The following DIP2B variants were observed in gnomAD, a reference collection of about 807,000 sequenced individuals.
DIP2B encodes DIP2 acetate--CoA ligase B (putative).
DIP2B carries 76 observed loss-of-function variants against 198.0 expected under a neutral mutation model. The ratio of observed to expected loss-of-function variants is 0.38; its 90% CI spans 0.32 to 0.46. DIP2B has a LOEUF of 0.46. Ranked by LOEUF, DIP2B falls within the 20% of genes least tolerant of loss-of-function variation. The probability of loss-of-function intolerance (pLI) is 0.99; values close to 1 mark genes in which losing one functional copy is unlikely to be tolerated. For missense variants in DIP2B, 1,559 were observed against 1,978.4 expected, an observed-to-expected ratio of 0.79 and a Z score of 4.02; for synonymous variants, 701 against 739.1, an observed-to-expected ratio of 0.95 and a Z score of 0.84.
At chr12:50,731,330 ATGAAT>A (rs2139597861) in intron 30 of DIP2B, 34 bp from the exon 31 acceptor site, 1 of 1,599,880 alleles carries the variant, frequency 6.3e-7, no homozygotes, top group East Asian at 2.2e-5. Flanking sequence ...GGTATCCAGG[ATGAAT>A]TGATGATTCC....
intron 1 of DIP2B, among the ~76,000 whole-genome samples, chr12:50,530,143 C>A (rs1046351111): frequency 5.3e-5 from 8 of 152,176 alleles, no homozygotes; most frequent in African/African-American, 1.4e-4. Flanking sequence ...GTGGCGCGAT[C>A]TCGGCTCACT....
chr12:50,609,626 C>T (rs1182883511), intron 1 of DIP2B, among the ~76,000 whole-genome samples: 1 of 152,228 alleles, frequency 6.6e-6, no homozygotes, highest in Admixed American at 6.5e-5. Flanking sequence ...TGCACACATT[C>T]TTTCTGTTGA....
At chr12:50,622,134 C>A (rs566144462) in intron 1 of DIP2B, among the ~76,000 whole-genome samples, 1 of 152,194 alleles carries the variant, frequency 6.6e-6, no homozygotes, top group East Asian at 1.9e-4. Context: ...GGTAGGAGAT[C>A]TTGTGAGTGG....
chr12:50,578,554 C>T (rs894149327), intron 1 of DIP2B, among the ~76,000 whole-genome samples: 4 of 130,430 alleles, frequency 3.1e-5, no homozygotes, highest in East Asian at 2.3e-4. Context: ...GTGGCCCAGG[C>T]GGGAGTGCAG....
chr12:50,605,062 C>A (rs1016485348), intron 1 of DIP2B, among the ~76,000 whole-genome samples: 1 of 152,116 alleles, frequency 6.6e-6, no homozygotes, highest in Non-Finnish European at 1.5e-5. Flanking sequence ...TATACACATA[C>A]CCATTAATGT....
intron 1 of DIP2B, among the ~76,000 whole-genome samples, chr12:50,593,111 AC>A (rs1422285670): frequency 1.3e-5 from 2 of 152,184 alleles, no homozygotes; most frequent in Non-Finnish European, 2.9e-5. Flanking sequence ...TGTTTTATAT[AC>A]TTGGCTGGAA....
chr12:50,568,391 G>C (rs1958584294), intron 1 of DIP2B, among the ~76,000 whole-genome samples: 1 of 152,160 alleles, frequency 6.6e-6, no homozygotes, highest in African/African-American at 2.4e-5. Context: ...CCTCAAGATA[G>C]GGCCAGCGGA....
intron 37 of DIP2B, among the ~76,000 whole-genome samples, chr12:50,744,087 C>T (rs764380458): frequency 1.4e-4 from 21 of 152,134 alleles, no homozygotes; most frequent in African/African-American, 2.4e-4. Flanking sequence ...CTGCAACCTC[C>T]GCCTCCTGGG....
intron 1 of DIP2B, among the ~76,000 whole-genome samples, chr12:50,556,600 C>G (rs1958473658): frequency 6.7e-6 from 1 of 149,996 alleles, no homozygotes; most frequent in African/African-American, 2.5e-5. Context: ...GTCGCCCAGG[C>G]TGGAGTGCAG....
intron 1 of DIP2B, among the ~76,000 whole-genome samples, chr12:50,558,900 A>G (rs563521364): frequency 1.3e-5 from 2 of 152,290 alleles, no homozygotes; most frequent in East Asian, 3.9e-4. Flanking sequence ...AAGTTTAAGA[A>G]AAGACTCCAG....
chr12:50,713,992 C>T (rs2139576486), intron 22 of DIP2B, among the ~76,000 whole-genome samples: 1 of 152,330 alleles, frequency 6.6e-6, no homozygotes, highest in South Asian at 2.1e-4. Flanking sequence ...GTCCCAGCTT[C>T]TTGGGAGGTT....
rs1939372377 is a variant in DIP2B at position 50,699,186 on chromosome 12, C to CA, written c.2315dup (p.Asn772LysfsTer4). The CA allele has an allele frequency of 1.2e-6, 2 of 1,612,544 alleles. No individual in the cohort carries two copies. The highest frequency in any genetic ancestry group is 1.7e-5 in the Admixed American group (1 of 59,566). ...ATGTACTTTGGGCTTGCTGGTGTGA[C>CA]AAAAAATACATTTGAGGTACATGAT... On this transcript the variant is annotated frameshift_variant, in exon 19 of 38. Transcript: ENST00000301180. LOFTEE classifies it high-confidence loss of function.
intron 1 of DIP2B, among the ~76,000 whole-genome samples, chr12:50,519,077 G>C (rs1022127214): frequency 6.6e-6 from 1 of 152,008 alleles, no homozygotes; most frequent in Non-Finnish European, 1.5e-5. Flanking sequence ...GGGGGGTAGG[G>C]CTCCCTGGAG....
At chr12:50,627,254 A>G (rs542545602) in intron 2 of DIP2B, among the ~76,000 whole-genome samples, 1 of 152,360 alleles carries the variant, frequency 6.6e-6, no homozygotes, top group South Asian at 2.1e-4. Flanking sequence ...TATAACTGTA[A>G]AAAGGACCAC....
In DIP2B at chr12:50,744,957, C is replaced by T. The variant is rs116928962; in HGVS notation, c.*118C>T. On this transcript the variant is annotated 3_prime_UTR_variant, in exon 38 of 38. Coordinates refer to ENST00000301180, the MANE Select transcript of DIP2B (RefSeq NM_173602.3). Reference sequence around the variant, plus strand: ...GCTGAGATGGCTACATGATATTCTTCATCTCATCCTGTGGGATTCTGCAAT... The same window carrying T: ...GCTGAGATGGCTACATGATATTCTTTATCTCATCCTGTGGGATTCTGCAAT... 3.1e-4 allele frequency: 385 copies of T among 1,238,908 alleles called. 1 individual carries two copies. In the Middle Eastern group the frequency reaches 7.0e-3, roughly 23 times the overall value. The allele number at this position is 1,238,908 out of a possible 1,614,324, so 76.7% of individuals were successfully genotyped here.
At chr12:50,508,856 G>A (rs1028665891) in intron 1 of DIP2B, among the ~76,000 whole-genome samples, 4 of 151,976 alleles carry the variant, frequency 2.6e-5, no homozygotes, top group Non-Finnish European at 5.9e-5. Context: ...ACAGGCATGC[G>A]CCACCACGCC....
intron 1 of DIP2B, among the ~76,000 whole-genome samples, chr12:50,579,119 T>A (rs1303277516): frequency 6.6e-6 from 1 of 152,072 alleles, no homozygotes; most frequent in East Asian, 1.9e-4. Flanking sequence ...TGTTTGAGAG[T>A]TGTGAGCTGA....
At chr12:50,637,908 A>T (rs1349072779) in intron 2 of DIP2B, among the ~76,000 whole-genome samples, 1 of 152,204 alleles carries the variant, frequency 6.6e-6, no homozygotes, top group African/African-American at 2.4e-5. Context: ...TACCATATTC[A>T]AACAATAGAA....
intron 1 of DIP2B, among the ~76,000 whole-genome samples, chr12:50,539,446 C>T (rs1057186288): frequency 3.3e-5 from 5 of 151,610 alleles, no homozygotes; most frequent in Non-Finnish European, 5.9e-5. Flanking sequence ...GGTGAAACCC[C>T]GTCTCTACTA....
Sources: gnomAD v4.1 joint callset for allele counts (sites outside exome capture counted in the v4.1 genomes callset) on GRCh38, gnomAD v4.1.1 for gene constraint, MANE v1.5 for transcripts, NCBI Gene and HGNC (gene_info 2026-07-23, HGNC 2026-07-21) for gene names.